Variants in EXOC4 observed in about 807,000 individuals in gnomAD.
The protein encoded by EXOC4 is SEC8-like 1.
A neutral mutation model predicts 107.2 loss-of-function variants in EXOC4; 71 were observed. The ratio of observed to expected loss-of-function variants is 0.66; its 90% confidence interval spans 0.55 to 0.81. The LOEUF (loss-of-function observed/expected upper bound fraction) is 0.81. Ranked by LOEUF, EXOC4 falls within the 30% of genes least tolerant of loss-of-function variation. The probability of loss-of-function intolerance (pLI) is 0.00; values close to 1 mark genes in which losing one functional copy is unlikely to be tolerated. For synonymous variants in EXOC4, 456 were observed against 441.2 expected (o/e 1.03, Z -0.42); for missense variants, 1,108 against 1,189.6 (o/e 0.93, Z 1.01).
At chr7:133,404,871 G>A (rs1046845676) in intron 7 of EXOC4, among the ~76,000 whole-genome samples, 4 of 86,720 alleles carry the variant, frequency 4.6e-5, no homozygotes, top group East Asian at 3.5e-4. Flanking sequence ...CACCCCCTGC[G>A]CCCCCCCCCC....
chr7:133,867,605 C>G (rs937438669), intron 11 of EXOC4, among the ~76,000 whole-genome samples: 14 of 152,302 alleles, frequency 9.2e-5, no homozygotes, highest in African/African-American at 3.4e-4. Context: ...TCTCCCCACC[C>G]CCAACCCCGT....
At chr7:133,567,824 G>A (rs560609681) in intron 9 of EXOC4, among the ~76,000 whole-genome samples, 1 of 152,276 alleles carries the variant, frequency 6.6e-6, no homozygotes, top group African/African-American at 2.4e-5. Context: ...GCTCACTCCT[G>A]TGATAACTAA....
At position 134,007,809 on chromosome 7, in the gene EXOC4, G is replaced by A. The variant is rs770457064; in HGVS notation, c.2661G>A (p.Ser887=). ...LQQNLTNITM[S]READLDFARQ... The stretch of plus-strand genomic sequence containing the variant: ...AGAATTTGACCAACATCACCATGTC[G>A]CGGGAGGCAGACCTGGACTTTGCAA... Residue 887 remains serine, a synonymous_variant, in exon 17 of 18, where the codon TCG becomes TCA. Coordinates refer to ENST00000253861, the MANE Select transcript of EXOC4 (RefSeq NM_021807.4). 139 of 1,613,196 alleles carry A rather than the reference G, an allele frequency of 8.6e-5. No individual in the cohort carries two copies. Among genetic ancestry groups the A allele is most frequent in the Admixed American group, 1.5e-4 (9 of 59,906 alleles).
chr7:133,952,010 G>A (rs1171270045), intron 14 of EXOC4, among the ~76,000 whole-genome samples: 3 of 152,130 alleles, frequency 2.0e-5, no homozygotes, highest in South Asian at 4.1e-4. Context: ...ACAAAAATTA[G>A]CCAAGCGTGG....
intron 5 of EXOC4, among the ~76,000 whole-genome samples, chr7:133,344,606 G>A (rs77050252): frequency 0.02 from 3,014 of 152,156 alleles, 99 homozygotes; most frequent in African/African-American, 0.068. Context: ...TAGCCAAAGG[G>A]CATTTCTCTC....
intron 10 of EXOC4, among the ~76,000 whole-genome samples, chr7:133,775,323 A>G (rs1415258838): frequency 1.3e-5 from 2 of 152,204 alleles, no homozygotes; most frequent in East Asian, 1.9e-4. Context: ...ACGAGTGTAC[A>G]TGGATCATTT....
At chr7:133,415,825 G>A (rs1337255816) in intron 7 of EXOC4, among the ~76,000 whole-genome samples, 1 of 152,164 alleles carries the variant, frequency 6.6e-6, no homozygotes, top group African/African-American at 2.4e-5. Flanking sequence ...AATAGTTGTT[G>A]TAATGAGAGT....
intron 14 of EXOC4, among the ~76,000 whole-genome samples, chr7:133,971,252 G>A (rs565888269): frequency 9.6e-5 from 14 of 145,180 alleles, no homozygotes; most frequent in African/African-American, 2.5e-5. Context: ...AGACCAGTAG[G>A]GCTTCAGAGT....
At chr7:133,257,512 T>C (rs990704919) in intron 1 of EXOC4, among the ~76,000 whole-genome samples, 1 of 152,248 alleles carries the variant, frequency 6.6e-6, no homozygotes, top group African/African-American at 2.4e-5. Context: ...AGATATTTTA[T>C]TTCTGTGAGT....
intron 9 of EXOC4, among the ~76,000 whole-genome samples, chr7:133,557,300 G>T (rs1257413980): frequency 1.3e-5 from 2 of 151,530 alleles, no homozygotes; most frequent in Non-Finnish European, 2.9e-5. Context: ...AAAGTCTTAG[G>T]TTGCATTTTT....
intron 10 of EXOC4, among the ~76,000 whole-genome samples, chr7:133,653,940 A>G (rs528839015): frequency 6.6e-6 from 1 of 152,330 alleles, no homozygotes; most frequent in East Asian, 1.9e-4. Context: ...TGAATAGGAC[A>G]CAAGAAAGTC....
chr7:133,363,283 A>G (rs1796173306), intron 6 of EXOC4, among the ~76,000 whole-genome samples: 1 of 152,168 alleles, frequency 6.6e-6, no homozygotes, highest in South Asian at 2.1e-4. Context: ...AGAACAAATG[A>G]AAGGATAATT....
intron 17 of EXOC4, among the ~76,000 whole-genome samples, chr7:134,063,711 A>G (rs1378737535): frequency 5.3e-5 from 8 of 152,140 alleles, no homozygotes; most frequent in Admixed American, 5.2e-4. Flanking sequence ...TATTAATTTT[A>G]TTACATTACT....
At chr7:133,257,041 C>T (rs1009322445) in intron 1 of EXOC4, among the ~76,000 whole-genome samples, 2 of 152,122 alleles carry the variant, frequency 1.3e-5, no homozygotes, top group Non-Finnish European at 2.9e-5. Context: ...TAAAAATTAT[C>T]GAATAAAAAT....
chr7:133,470,582 T>TTTG (rs747368842), intron 7 of EXOC4, among the ~76,000 whole-genome samples: 6 of 152,264 alleles, frequency 3.9e-5, no homozygotes, highest in African/African-American at 9.6e-5. Context: ...TTCCAACTGT[T>TTTG]TTGTTGTTGT....
At chr7:133,402,941 G>A (rs1397397283) in intron 7 of EXOC4, among the ~76,000 whole-genome samples, 1 of 146,192 alleles carries the variant, frequency 6.8e-6, no homozygotes, top group African/African-American at 2.6e-5. Flanking sequence ...CTAGAGAGCA[G>A]TGGAACGATC....
In EXOC4 at chr7:133,823,868, TATATTATATA is replaced by T. The variant is rs1369588557; in HGVS notation, c.1734+6325_1734+6334del. On this transcript the variant is annotated intron_variant, in intron 11 of 17. Coordinates refer to ENST00000253861, the MANE Select transcript of EXOC4 (RefSeq NM_021807.4). ...TTATATATATATATATATATATATA[TATATTATATA>T]TATATATATATATATTTTATATATA... is the stretch of plus-strand genomic sequence containing the variant. Among the ~76,000 whole-genome samples, 107 of 21,768 alleles carry T rather than the reference TATATTATATA, an allele frequency of 4.9e-3. 2 individuals carry two copies. The highest frequency in any genetic ancestry group is 7.7e-3 in the Admixed American group (13 of 1,698). The allele number at this position is 21,768 out of a possible 152,430, so 14.3% of individuals were successfully genotyped here.
At chr7:133,380,606 A>AT (rs889120612) in intron 7 of EXOC4, among the ~76,000 whole-genome samples, 1 of 151,690 alleles carries the variant, frequency 6.6e-6, no homozygotes, top group Non-Finnish European at 1.5e-5. Context: ...TATGATCTTT[A>AT]TTTTTTTATT....
At chr7:133,811,150 G>A (rs1377382919) in intron 10 of EXOC4, among the ~76,000 whole-genome samples, 1 of 152,050 alleles carries the variant, frequency 6.6e-6, no homozygotes. Context: ...ATACCTGTAT[G>A]TTGTGTTTCC....
Sources: allele counts gnomAD v4.1 joint callset (sites outside exome capture counted in the v4.1 genomes callset), GRCh38; gene constraint gnomAD v4.1.1; transcripts MANE v1.5; gene names NCBI Gene and HGNC (gene_info 2026-07-23, HGNC 2026-07-21).